RABGAP1L: variants seen among roughly 807,000 people sequenced by gnomAD.
The protein encoded by RABGAP1L is rab GTPase-activating protein 1-like.
RABGAP1L carries 63 observed loss-of-function variants against 137.7 expected under a neutral mutation model. That is an observed-to-expected ratio of 0.46 (90% CI 0.37 to 0.56). The LOEUF (loss-of-function observed/expected upper bound fraction) is 0.56, where lower values mean the gene tolerates loss of function less well. RABGAP1L is among the 20% of genes least tolerant of loss of function. The pLI is 0.00. For synonymous variants in RABGAP1L, 431 were observed against 433.7 expected (o/e 0.99, Z 0.08); for missense variants, 1,095 against 1,244.0 (o/e 0.88, Z 1.80).
At chr1:174,554,662 T>G (rs187142562) in intron 13 of RABGAP1L, among the ~76,000 whole-genome samples, 1 of 152,298 alleles carries the variant, frequency 6.6e-6, no homozygotes, top group East Asian at 1.9e-4. Context: ...TATCTCAATT[T>G]TAGGCAAAGC....
chr1:174,755,194 C>T (rs79388999), intron 18 of RABGAP1L, among the ~76,000 whole-genome samples: 11,929 of 152,152 alleles, frequency 0.078, 652 homozygotes, highest in East Asian at 0.32. Flanking sequence ...ACTTTCTGAA[C>T]GGGACCAACT....
At chr1:174,640,407 A>T (rs117951725) in intron 14 of RABGAP1L, among the ~76,000 whole-genome samples, 1 of 152,186 alleles carries the variant, frequency 6.6e-6, no homozygotes, top group East Asian at 1.9e-4. Flanking sequence ...TTTGAACCAC[A>T]GTCTTTTATT....
Position 174,186,595 on chromosome 1 carries a change from C to T in RABGAP1L, c.-34+26938C>T, listed in dbSNP as rs1666821682. On this transcript the variant is annotated intron_variant, in intron 1 of 25. Coordinates refer to ENST00000681986, the MANE Select transcript of RABGAP1L (RefSeq NM_001366446.1). Reference sequence around the variant, plus strand: ...AGCTCAGTTATTCAGAGGCTGATTTCCCAGTTTGTTATTATCTGTGTACTT... The same window carrying T: ...AGCTCAGTTATTCAGAGGCTGATTTTCCAGTTTGTTATTATCTGTGTACTT... Among the ~76,000 whole-genome samples the T allele has an allele frequency of 2.0e-5, 3 of 152,274 alleles. 1 individual carries two copies. In the South Asian group the frequency reaches 6.2e-4, roughly 32 times the overall value.
chr1:174,929,241 T>A (rs765316703), intron 19 of RABGAP1L, among the ~76,000 whole-genome samples: 1 of 152,144 alleles, frequency 6.6e-6, no homozygotes, highest in Non-Finnish European at 1.5e-5. Flanking sequence ...ATTGGCTGTT[T>A]ATTGGGGTTT....
chr1:174,419,572 G>A (rs1039006444), intron 13 of RABGAP1L, among the ~76,000 whole-genome samples: 4 of 152,114 alleles, frequency 2.6e-5, no homozygotes, highest in Non-Finnish European at 5.9e-5. Context: ...TTGTAATAGA[G>A]AGTTCATAGC....
intron 13 of RABGAP1L, among the ~76,000 whole-genome samples, chr1:174,491,290 G>A (rs1046612976): frequency 2.6e-5 from 4 of 151,942 alleles, no homozygotes; most frequent in African/African-American, 9.7e-5. Context: ...ACAGGTGATG[G>A]GATCTGCCAT....
intron 13 of RABGAP1L, among the ~76,000 whole-genome samples, chr1:174,515,377 G>A (rs1662729861): frequency 6.6e-6 from 1 of 152,142 alleles, no homozygotes; most frequent in Non-Finnish European, 1.5e-5. Flanking sequence ...GTGTGTCCCT[G>A]TGTTTGTGCA....
intron 17 of RABGAP1L, among the ~76,000 whole-genome samples, chr1:174,738,230 T>C (rs2148642912): frequency 6.6e-6 from 1 of 152,176 alleles, no homozygotes; most frequent in African/African-American, 2.4e-5. Context: ...GGAAATTAAA[T>C]CCCAGTTAGA....
chr1:174,196,070 C>T (rs925850738), intron 1 of RABGAP1L, among the ~76,000 whole-genome samples: 1 of 151,422 alleles, frequency 6.6e-6, no homozygotes, highest in East Asian at 1.9e-4. Context: ...CTCCTGACCT[C>T]GTGATCCGCC....
In RABGAP1L at chr1:174,332,642, C is replaced by T. The variant is rs527819392; in HGVS notation, c.1465+27515C>T. On this transcript the variant is annotated intron_variant, in intron 11 of 25. Coordinates refer to ENST00000681986, the MANE Select transcript of RABGAP1L (RefSeq NM_001366446.1). ...TACTCTTGACCTCAAGTGATTCACCCTCCTCGGCCTTCCAAAGTGTTGGGA... is the reference window on the plus strand; with the variant it reads ...TACTCTTGACCTCAAGTGATTCACCTTCCTCGGCCTTCCAAAGTGTTGGGA... 3.3e-5 allele frequency among the ~76,000 whole-genome samples: 5 copies of T among 152,200 alleles called. No individual in the cohort carries two copies. The South Asian group carries it at 1.0e-3, about 32-fold the overall frequency.
At chr1:174,379,820 C>G (rs1466009230) in intron 12 of RABGAP1L, among the ~76,000 whole-genome samples, 1 of 73,040 alleles carries the variant, frequency 1.4e-5, no homozygotes, top group South Asian at 5.3e-4. Flanking sequence ...ACTTCCAACA[C>G]TAAGTTGAAT....
chr1:174,276,354 T>C (rs1275941787), intron 9 of RABGAP1L, among the ~76,000 whole-genome samples: 1 of 152,172 alleles, frequency 6.6e-6, no homozygotes, highest in Non-Finnish European at 1.5e-5. Context: ...TCATGCTTTG[T>C]TGCCCAGGCT....
At chr1:174,818,743 T>C (rs572984056) in intron 19 of RABGAP1L, among the ~76,000 whole-genome samples, 1 of 151,970 alleles carries the variant, frequency 6.6e-6, no homozygotes, top group East Asian at 1.9e-4. Flanking sequence ...GTGTGATGGC[T>C]CACACCTGTA....
rs1246914098 is a variant in RABGAP1L at position 174,350,827 on chromosome 1, G to A, written c.1466-20152G>A. The stretch of plus-strand genomic sequence containing the variant: ...TTGAGCACTGAGTGAACGAGACTCC[G>A]TCTGCAATCCCGGCACCTCGGGAGG... On this transcript the variant is annotated intron_variant, in intron 11 of 25. Coordinates refer to ENST00000681986, the MANE Select transcript of RABGAP1L (RefSeq NM_001366446.1). Among the ~76,000 whole-genome samples, 3 of 81,652 alleles carry A rather than the reference G, an allele frequency of 3.7e-5. No individual in the cohort carries two copies. In the East Asian group the frequency reaches 1.0e-3, roughly 28 times the overall value. 53.6% of individuals were successfully genotyped at this position (81,652 alleles called of 152,430 possible).
At chr1:174,815,618 A>G (rs1392048684) in intron 19 of RABGAP1L, among the ~76,000 whole-genome samples, 2 of 152,210 alleles carry the variant, frequency 1.3e-5, no homozygotes, top group African/African-American at 2.4e-5. Flanking sequence ...CAGCAGTTGC[A>G]AGCAAAAAAT....
chr1:174,215,496 T>A (rs1669231692), intron 1 of RABGAP1L, among the ~76,000 whole-genome samples: 3 of 151,558 alleles, frequency 2.0e-5, no homozygotes, highest in African/African-American at 7.3e-5. Context: ...AAATCTAATT[T>A]AAAAATGGAC....
At chr1:174,405,737 G>A (rs1315916421) in intron 13 of RABGAP1L, among the ~76,000 whole-genome samples, 1 of 152,126 alleles carries the variant, frequency 6.6e-6, no homozygotes, top group Non-Finnish European at 1.5e-5. Context: ...CAGCAGTTTG[G>A]GAGGCTGAGG....
In RABGAP1L at chr1:174,686,648, C is replaced by CTTTTTTTTTTTTTTTTTTTTT. The variant is rs533716511; in HGVS notation, c.1899+3059_1899+3079dup. Among the ~76,000 whole-genome samples, 7 of 105,770 alleles carry CTTTTTTTTTTTTTTTTTTTTT rather than the reference C, an allele frequency of 6.6e-5. 2 individuals are homozygous for CTTTTTTTTTTTTTTTTTTTTT. The highest frequency in any genetic ancestry group is 4.2e-5 in the Non-Finnish European group (2 of 47,678). 69.4% of individuals were successfully genotyped at this position (105,770 alleles called of 152,430 possible). ...GAAGCTTTGGTTTGAACAAAGCAAT[C>CTTTTTTTTTTTTTTTTTTTTT]TTTTTTTTTTTTTTTTTTTTTTTTT... On this transcript the variant is annotated intron_variant, in intron 15 of 25. Transcript: ENST00000681986.
chr1:174,672,345 A>G (rs1009537136), intron 14 of RABGAP1L, among the ~76,000 whole-genome samples: 10 of 147,624 alleles, frequency 6.8e-5, no homozygotes, highest in South Asian at 2.1e-4. Flanking sequence ...CAGTGGCTCA[A>G]TCTCTGCTCA....
Sources: allele counts gnomAD v4.1 joint callset (sites outside exome capture counted in the v4.1 genomes callset), GRCh38; gene constraint gnomAD v4.1.1; transcripts MANE v1.5; gene names NCBI Gene and HGNC (gene_info 2026-07-23, HGNC 2026-07-21).